KSR2: variants seen among roughly 807,000 people sequenced by gnomAD.
KSR2 encodes the protein kinase suppressor of ras 2.
In KSR2, 25 loss-of-function variants were observed where a neutral mutation model predicts 107.8. The ratio of observed to expected loss-of-function variants is 0.23; its 90% CI spans 0.17 to 0.32. The LOEUF is 0.32. Ranked by LOEUF, KSR2 falls within the 10% of genes least tolerant of loss-of-function variation. The pLI, the probability that KSR2 is intolerant of heterozygous loss-of-function variation, is 1.00. For missense variants in KSR2, 887 were observed against 1,268.9 expected (o/e 0.70, Z 4.57); for synonymous variants, 480 against 507.0 (o/e 0.95, Z 0.71).
intron 9 of KSR2, among the ~76,000 whole-genome samples, chr12:117,553,234 G>T (rs181814223): frequency 6.6e-5 from 10 of 152,282 alleles, no homozygotes; most frequent in Non-Finnish European, 1.2e-4. Context: ...ATGGTAAATG[G>T]CTTCGAGATA....
intron 1 of KSR2, among the ~76,000 whole-genome samples, chr12:117,888,172 G>A (rs1159285076): frequency 6.6e-6 from 1 of 152,092 alleles, no homozygotes; most frequent in Non-Finnish European, 1.5e-5. Context: ...TTAGATATTT[G>A]ATCTTCAGTT....
intron 4 of KSR2, among the ~76,000 whole-genome samples, chr12:117,668,256 G>A (rs1275165995): frequency 6.6e-6 from 1 of 152,198 alleles, no homozygotes; most frequent in Non-Finnish European, 1.5e-5. Context: ...TTCTGGAAAT[G>A]CTTCCTCTTG....
rs982229699 is a variant in KSR2 at position 117,465,974 on chromosome 12, G to C, written c.*1225C>G. The stretch of plus-strand genomic sequence containing the variant: ...AGGAAGAGTCGCCGGCCCAGGTTGG[G>C]ATCAAGAGGAGGGAGGGAAGGTGGG... On this transcript the variant is annotated 3_prime_UTR_variant, in exon 20 of 20. Coordinates refer to ENST00000339824, the MANE Select transcript of KSR2 (RefSeq NM_173598.6). 9.8e-5 allele frequency: 15 copies of C among 152,340 alleles called. No homozygotes were observed. The highest frequency in any genetic ancestry group is 3.4e-4 in the African/African-American group (14 of 41,422). The allele number at this position is 152,340 out of a possible 1,614,324, so 9.4% of individuals were successfully genotyped here.
At chr12:117,472,484 T>C (rs1019966313) in intron 17 of KSR2, among the ~76,000 whole-genome samples, 8 of 152,174 alleles carry the variant, frequency 5.3e-5, no homozygotes, top group Non-Finnish European at 1.5e-5. Flanking sequence ...TTAGGAAATA[T>C]CTGAAACAAT....
chr12:117,845,083 G>A (rs567501942), intron 3 of KSR2, among the ~76,000 whole-genome samples: 7 of 152,238 alleles, frequency 4.6e-5, no homozygotes, highest in East Asian at 3.9e-4. Flanking sequence ...GAGGCGGAGC[G>A]TGCATTGAGC....
At chr12:117,701,205 G>A (rs1269743506) in intron 4 of KSR2, among the ~76,000 whole-genome samples, 1 of 152,116 alleles carries the variant, frequency 6.6e-6, no homozygotes, top group East Asian at 1.9e-4. Context: ...GGATTCTCCT[G>A]CCTCAGCTTC....
chr12:117,852,078 G>GA (rs1235016773), intron 3 of KSR2, among the ~76,000 whole-genome samples: 1 of 151,738 alleles, frequency 6.6e-6, no homozygotes, highest in African/African-American at 2.4e-5. Flanking sequence ...TGTGGGGGGG[G>GA]TCACAATATA....
At chr12:117,902,907 G>A (rs1291896858) in intron 1 of KSR2, among the ~76,000 whole-genome samples, 1 of 152,200 alleles carries the variant, frequency 6.6e-6, no homozygotes, top group Non-Finnish European at 1.5e-5. Context: ...TGACTTTACT[G>A]TCTATGAACT....
At chr12:117,620,306 G>A (rs1318156796) in intron 5 of KSR2, among the ~76,000 whole-genome samples, 3 of 152,072 alleles carry the variant, frequency 2.0e-5, no homozygotes, top group Non-Finnish European at 4.4e-5. Flanking sequence ...TGGGTGGTGA[G>A]CAAAGGGTCT....
At chr12:117,770,011 G>GTCAT (rs1037982592) in intron 3 of KSR2, among the ~76,000 whole-genome samples, 1 of 150,802 alleles carries the variant, frequency 6.6e-6, no homozygotes, top group Non-Finnish European at 1.5e-5. Context: ...CTAAGATTGT[G>GTCAT]TCATTGCACT....
intron 7 of KSR2, among the ~76,000 whole-genome samples, 164 bp from the exon 8 acceptor site, chr12:117,558,737 A>G (rs1305056700): frequency 7.7e-6 from 1 of 129,852 alleles, no homozygotes; most frequent in Non-Finnish European, 1.6e-5. Flanking sequence ...TGAATGGGTG[A>G]ATGGATTCAC....
chr12:117,904,150 G>A lies in KSR2; in HGVS notation c.181-43719C>T, dbSNP rs376790197. ...AGAAAACATCGCCTGTCAGGTAGAC[G>A]AACAAGAAATATGTCTGCAGCCCTG... On this transcript the variant is annotated intron_variant, in intron 1 of 19. Coordinates refer to ENST00000339824, the MANE Select transcript of KSR2 (RefSeq NM_173598.6). Among the ~76,000 whole-genome samples the A allele has an allele frequency of 4.6e-5, 7 of 152,082 alleles. No homozygotes were observed. The East Asian group carries it at 1.2e-3, about 25-fold the overall frequency.
chr12:117,947,205 AAAAGAAAGAAAGAAAG>A (rs773449400), intron 1 of KSR2, among the ~76,000 whole-genome samples: 15 of 69,270 alleles, frequency 2.2e-4, no homozygotes, highest in South Asian at 1.5e-3. Flanking sequence ...GAAAAGAAAG[AAAAGAAAGAAAGAAAG>A]AAAGAAAGAA....
intron 3 of KSR2, among the ~76,000 whole-genome samples, chr12:117,822,775 G>A (rs999478541): frequency 6.6e-6 from 1 of 152,158 alleles, no homozygotes; most frequent in Admixed American, 6.5e-5. Flanking sequence ...GCTAGCCCGG[G>A]AAAAGATCAA....
intron 14 of KSR2, 53 bp downstream of exon 14, chr12:117,524,799 T>C: frequency 4.5e-6 from 7 of 1,546,252 alleles, no homozygotes; most frequent in Non-Finnish European, 6.1e-6. Flanking sequence ...TTCTCAACCA[T>C]GCCAGAAGCA....
At chr12:117,694,672 G>A (rs896813675) in intron 4 of KSR2, among the ~76,000 whole-genome samples, 10 of 152,076 alleles carry the variant, frequency 6.6e-5, no homozygotes, top group African/African-American at 2.4e-4. Context: ...AGCAACCCAA[G>A]TGTTCACTGA....
chr12:117,792,186 T>A (rs1237030091), intron 3 of KSR2, among the ~76,000 whole-genome samples: 3 of 150,678 alleles, frequency 2.0e-5, no homozygotes, highest in Non-Finnish European at 3.0e-5. Context: ...AAAAAAAAAA[T>A]AAATAAAAAT....
intron 14 of KSR2, among the ~76,000 whole-genome samples, chr12:117,506,477 G>C (rs1873686022): frequency 6.6e-6 from 1 of 152,086 alleles, no homozygotes; most frequent in South Asian, 2.1e-4. Context: ...ATCCCTGTTT[G>C]GTGCACGCAT....
intron 17 of KSR2, among the ~76,000 whole-genome samples, chr12:117,474,917 C>T (rs1013906585): frequency 6.6e-6 from 1 of 152,136 alleles, no homozygotes; most frequent in South Asian, 2.1e-4. Flanking sequence ...ATGGTCTCCA[C>T]CTTAGTGAAT....
Sources: gnomAD v4.1 joint callset for allele counts (sites outside exome capture counted in the v4.1 genomes callset) on GRCh38, gnomAD v4.1.1 for gene constraint, MANE v1.5 for transcripts, NCBI Gene and HGNC (gene_info 2026-07-23, HGNC 2026-07-21) for gene names.